CIT: variants seen among roughly 807,000 people sequenced by gnomAD.
CIT encodes the protein citron rho-interacting serine/threonine kinase, also known as citron Rho-interacting kinase.
CIT carries 79 observed loss-of-function variants against 272.7 expected under a neutral mutation model. The ratio of observed to expected loss-of-function variants is 0.29; its 90% CI spans 0.24 to 0.35. CIT has a LOEUF of 0.35. CIT is among the 10% of genes least tolerant of loss of function. The pLI is 1.00. For missense variants in CIT, 1,909 were observed against 2,618.3 expected, an observed-to-expected ratio of 0.73 and a Z score of 5.91; for synonymous variants, 948 against 995.6, an observed-to-expected ratio of 0.95 and a Z score of 0.90.
At chr12:119,739,291 C>G (rs1294634565) in intron 24 of CIT, among the ~76,000 whole-genome samples, 2 of 152,300 alleles carry the variant, frequency 1.3e-5, no homozygotes, top group South Asian at 2.1e-4. Context: ...TGAATCAAAT[C>G]CTTTTTAAAT....
chr12:119,775,835 T>C lies in CIT; in HGVS notation c.1892A>G (p.Asn631Ser), dbSNP rs768436741. 5.6e-6 allele frequency: 9 copies of C among 1,612,986 alleles called. No individual in the cohort carries two copies. The East Asian group carries it at 6.7e-5, about 12-fold the overall frequency. The change falls in exon 16 of 48, where the codon AAT (asparagine) becomes AGT (serine). Residue 631 changes from asparagine (N) to serine (S), a missense_variant. Physicochemically the swap from Asn to Ser is conservative, Grantham distance 46 (BLOSUM62 1). This residue lies in a region of CIT where 530 missense variants were observed against 822.4 expected (regional missense o/e 0.64). Coordinates refer to ENST00000392521, the MANE Select transcript of CIT (RefSeq NM_001206999.2). The stretch of plus-strand genomic sequence containing the variant: ...CTGAATTTTGAGCTGCTGCTCAGCA[T>C]TGATCTATAATTAAAATCCCAGGAA... ...VGEYAKLEKI[N>S]AEQQLKIQEL...
Position 119,770,932 on chromosome 12 carries a change from G to C in CIT, c.2083-22C>G. The C allele has an allele frequency of 1.2e-6, 2 of 1,612,354 alleles. No homozygotes were observed. Among genetic ancestry groups the C allele is most frequent in the Non-Finnish European group, 1.7e-6 (2 of 1,179,684 alleles). ...GTTCCTGTAGATCATGAATCAATCA[G>C]AGAGTTTTAATGGAGTAACCGCTAT... On this transcript the variant is annotated intron_variant, in intron 17 of 47. Transcript: ENST00000392521. The surrounding 1 kb of genome is among the most constrained non-coding windows in gnomAD (Gnocchi z 4.4).
chr12:119,829,339 A>AG (rs1438835626), intron 7 of CIT, among the ~76,000 whole-genome samples: 3 of 91,042 alleles, frequency 3.3e-5, no homozygotes. Context: ...TCTGTCTTGA[A>AG]AGAAAAGAAG....
chr12:119,790,814 C>A (rs1365932339), intron 10 of CIT, among the ~76,000 whole-genome samples: 1 of 152,088 alleles, frequency 6.6e-6, no homozygotes, highest in African/African-American at 2.4e-5. Flanking sequence ...TTATCCAGCC[C>A]AAAATGTCAA....
At chr12:119,826,077 AAAGAG>A (rs1968135821) in intron 7 of CIT, among the ~76,000 whole-genome samples, 1 of 152,136 alleles carries the variant, frequency 6.6e-6, no homozygotes, top group Admixed American at 6.5e-5. Context: ...AGAAAAGAAA[AAAGAG>A]AAGAGAACTG....
chr12:119,844,173 C>G (rs1024432002), intron 5 of CIT, among the ~76,000 whole-genome samples: 2 of 151,946 alleles, frequency 1.3e-5, no homozygotes. Flanking sequence ...AGGCGCCCAC[C>G]ATCATGCCTG....
At chr12:119,795,547 G>A (rs1017645891) in intron 10 of CIT, among the ~76,000 whole-genome samples, 2 of 152,110 alleles carry the variant, frequency 1.3e-5, no homozygotes, top group African/African-American at 2.4e-5. Context: ...TGCTTGTCAG[G>A]CACTCAGAAT....
chr12:119,876,032 GAC>G (rs1359383662), intron 2 of CIT, 39 bp downstream of exon 2: 20 of 1,210,114 alleles, frequency 1.7e-5, no homozygotes, highest in Non-Finnish European at 2.2e-5. Context: ...AGATTCCAAG[GAC>G]ACACACAGGT....
chr12:119,748,385 C>T (rs1959748576), intron 23 of CIT, among the ~76,000 whole-genome samples: 1 of 152,162 alleles, frequency 6.6e-6, no homozygotes, highest in Non-Finnish European at 1.5e-5. Context: ...ACAATGTAGC[C>T]TTGAGGGAGC....
At chr12:119,769,140 G>A (rs203328) in intron 18 of CIT, among the ~76,000 whole-genome samples, 114,978 of 151,220 alleles carry the variant, frequency 0.76, 43,867 homozygotes, top group Middle Eastern at 0.85. Flanking sequence ...CAGAATCTAA[G>A]ATTAGATCAA....
intron 16 of CIT, among the ~76,000 whole-genome samples, chr12:119,774,554 GTA>G (rs1325989591): frequency 4.3e-5 from 4 of 93,138 alleles, no homozygotes; most frequent in Admixed American, 3.6e-4. Context: ...ATTTCACAAT[GTA>G]TATGTGTGTG....
At chr12:119,825,432 A>G in intron 7 of CIT, 64 bp from the exon 8 acceptor site, 2 of 1,465,080 alleles carry the variant, frequency 1.4e-6, no homozygotes, top group Admixed American at 3.6e-5. Flanking sequence ...GACTGCCAAC[A>G]GCCACATTTC....
In CIT at chr12:119,687,495, A is replaced by G. The variant is rs980325559; in HGVS notation, c.*737T>C. ...CCTTGGCCCCAAGTCACTGCCTCCG[A>G]GCTGAGGCCCCGATGACCTCCATAC... On this transcript the variant is annotated 3_prime_UTR_variant, in exon 48 of 48. Coordinates refer to ENST00000392521, the MANE Select transcript of CIT (RefSeq NM_001206999.2). The G allele has an allele frequency of 6.6e-6, 1 of 152,572 alleles. No individual in the cohort carries two copies. The highest frequency in any genetic ancestry group is 1.5e-5 in the Non-Finnish European group (1 of 68,050). 9.5% of individuals were successfully genotyped at this position (152,572 alleles called of 1,614,324 possible).
intron 20 of CIT, 114 bp from the exon 21 acceptor site, chr12:119,758,814 A>G (rs528843770): frequency 1.4e-6 from 1 of 738,262 alleles, no homozygotes; most frequent in African/African-American, 1.7e-5. Flanking sequence ...AGAGGTAACA[A>G]GGCACTCAAC....
At chr12:119,809,632 C>G (rs948624583) in intron 9 of CIT, among the ~76,000 whole-genome samples, 8 of 152,294 alleles carry the variant, frequency 5.3e-5, no homozygotes, top group Non-Finnish European at 8.8e-5. Context: ...TCTTCCCCCA[C>G]CTTTCTGACT....
At chr12:119,751,291 G>C (rs1960230008) in intron 23 of CIT, among the ~76,000 whole-genome samples, 1 of 152,096 alleles carries the variant, frequency 6.6e-6, no homozygotes, top group Non-Finnish European at 1.5e-5. Flanking sequence ...TTCAAGTTAA[G>C]TTGGCATTTC....
intron 10 of CIT, among the ~76,000 whole-genome samples, chr12:119,786,949 C>T (rs1219839789): frequency 6.6e-6 from 1 of 152,190 alleles, no homozygotes; most frequent in East Asian, 1.9e-4. Flanking sequence ...CAGCAATACC[C>T]TGTCTCTATT....
intron 23 of CIT, among the ~76,000 whole-genome samples, chr12:119,745,625 C>T (rs1959272642): frequency 6.6e-6 from 1 of 151,874 alleles, no homozygotes; most frequent in South Asian, 2.1e-4. Flanking sequence ...ACAAAACAAA[C>T]CAAAAATAGA....
At chr12:119,729,049 T>A (rs1455017598) in intron 27 of CIT, among the ~76,000 whole-genome samples, 17 of 152,186 alleles carry the variant, frequency 1.1e-4, no homozygotes, top group Admixed American at 1.1e-3. Flanking sequence ...CTTATAAGTT[T>A]GATAAGAAAG....
Sources: allele counts gnomAD v4.1 joint callset (sites outside exome capture counted in the v4.1 genomes callset), GRCh38; gene constraint gnomAD v4.1.1; regional missense constraint gnomAD v4.1.1; non-coding constraint Gnocchi (gnomAD v3.1); transcripts MANE v1.5; gene names NCBI Gene and HGNC (gene_info 2026-07-23, HGNC 2026-07-21).